ALDH1L2: variants seen among roughly 807,000 people sequenced by gnomAD.
The protein encoded by ALDH1L2 is mitochondrial 10-formyltetrahydrofolate dehydrogenase.
A neutral mutation model predicts 111.0 loss-of-function variants in ALDH1L2; 91 were observed. The observed-to-expected ratio is 0.82, with a 90% CI of 0.69 to 0.98. ALDH1L2 has a LOEUF of 0.98. Among genes scored for constraint, ALDH1L2 ranks in the 50% least tolerant of loss-of-function variants. The pLI is 0.00. For missense variants in ALDH1L2, 995 were observed against 1,126.8 expected (o/e 0.88, Z 1.67); for synonymous variants, 374 against 392.6 (o/e 0.95, Z 0.56).
chr12:105,058,605 A>G (rs1876783513), intron 9 of ALDH1L2, among the ~76,000 whole-genome samples: 1 of 152,254 alleles, frequency 6.6e-6, no homozygotes, highest in Non-Finnish European at 1.5e-5. Context: ...TGAATGTCAT[A>G]TTGTAGACTA....
intron 13 of ALDH1L2, 174 bp downstream of exon 13, chr12:105,049,734 T>G (rs1424175361): frequency 1.5e-6 from 1 of 676,068 alleles, no homozygotes; most frequent in East Asian, 3.3e-5. Flanking sequence ...TTTCTGTTCT[T>G]TATAAATTAC....
intron 15 of ALDH1L2, among the ~76,000 whole-genome samples, chr12:105,043,980 A>G (rs1350694909): frequency 2.6e-5 from 4 of 152,250 alleles, no homozygotes; most frequent in East Asian, 1.9e-4. Context: ...AGTCATCTCA[A>G]TTCAGTCCTC....
chr12:105,026,552 T>C lies in ALDH1L2; in HGVS notation c.2709A>G (p.Lys903=), dbSNP rs1474200821. 1.2e-6 allele frequency: 2 copies of C among 1,613,974 alleles called. No homozygotes were observed. Among genetic ancestry groups the C allele is most frequent in the Non-Finnish European group, 1.7e-6 (2 of 1,180,006 alleles). The change falls in exon 22 of 23, where the codon AAA becomes AAG. Residue 903 remains lysine (K), a synonymous_variant. Coordinates refer to ENST00000258494, the MANE Select transcript of ALDH1L2 (RefSeq NM_001034173.4). The part of the protein sequence containing the change: ...FGGVKQSGFG[K]DLGEEALNEY... ...AGAAAAGTAAAGCCATACCTAAGTC[T>C]TTTCCAAAGCCAGATTGTTTAACTC...
intron 20 of ALDH1L2, among the ~76,000 whole-genome samples, chr12:105,031,364 A>G (rs1874685807): frequency 6.6e-6 from 1 of 152,190 alleles, no homozygotes; most frequent in South Asian, 2.1e-4. Context: ...TTAAAGGTAT[A>G]ATTAGATTCA....
intron 16 of ALDH1L2, among the ~76,000 whole-genome samples, chr12:105,040,125 C>CAAAAA (rs11284250): frequency 1.4e-4 from 8 of 59,080 alleles, no homozygotes; most frequent in African/African-American, 3.4e-4. Flanking sequence ...GACTCCGTCT[C>CAAAAA]AAAAAAAAAA....
chr12:105,028,481 G>A (rs923958325), intron 21 of ALDH1L2, among the ~76,000 whole-genome samples: 11 of 152,166 alleles, frequency 7.2e-5, no homozygotes, highest in African/African-American at 1.7e-4. Flanking sequence ...GGAAAAATTC[G>A]AGTGCTGAAT....
chr12:105,024,997 A>G (rs1172966160), intron 22 of ALDH1L2, among the ~76,000 whole-genome samples: 1 of 152,260 alleles, frequency 6.6e-6, no homozygotes, highest in East Asian at 1.9e-4. Context: ...AAAGATAAGG[A>G]AAATTCAGTT....
chr12:105,055,224 G>GCA lies in ALDH1L2; in HGVS notation c.1288-2295_1288-2294dup, dbSNP rs770787723. Among the ~76,000 whole-genome samples, 8 of 152,274 alleles carry GCA rather than the reference G, an allele frequency of 5.3e-5. No homozygotes were observed. The South Asian group carries it at 1.7e-3, about 32-fold the overall frequency. On this transcript the variant is annotated intron_variant, in intron 10 of 22. Transcript: ENST00000258494. ...GCTGGAGCACTGAAGGTATATCCCA[G>GCA]CACACACACAGAGCCCCCTCACAAA...
chr12:105,072,213 A>G (rs1321090074), intron 2 of ALDH1L2: 1 of 147,650 alleles, frequency 6.8e-6, no homozygotes, highest in Non-Finnish European at 1.5e-5. Flanking sequence ...ATTTTATAAT[A>G]TATTATTATA....
Position 105,024,490 on chromosome 12 carries a change from G to A in ALDH1L2, c.2717-11C>T, listed in dbSNP as rs756500630. Reference sequence around the variant, plus strand: ...TTAGAGCTTCCTCACCTAGGGAAGAGAAAAGCAGTTGACAGACCACATTCA... The same window carrying A: ...TTAGAGCTTCCTCACCTAGGGAAGAAAAAAGCAGTTGACAGACCACATTCA... On this transcript the variant is annotated splice_polypyrimidine_tract_variant and intron_variant, in intron 22 of 22. Transcript: ENST00000258494. The A allele has an allele frequency of 7.4e-6, 12 of 1,613,686 alleles. No individual in the cohort carries two copies. The South Asian group carries it at 1.3e-4, about 18-fold the overall frequency.
At chr12:105,038,814 A>G (rs1042759378) in intron 17 of ALDH1L2, among the ~76,000 whole-genome samples, 2 of 152,234 alleles carry the variant, frequency 1.3e-5, no homozygotes, top group Non-Finnish European at 2.9e-5. Flanking sequence ...TCCATAATAA[A>G]AAAATTTCAA....
chr12:105,030,457 T>A, intron 20 of ALDH1L2, 28 bp from the exon 21 acceptor site: 1 of 1,582,016 alleles, frequency 6.3e-7, no homozygotes, highest in Non-Finnish European at 8.6e-7. Context: ...AGAAAAAATG[T>A]CAACTGTAGG....
At chr12:105,070,510 G>T in intron 3 of ALDH1L2, 60 bp downstream of exon 3, 2 of 1,378,568 alleles carry the variant, frequency 1.5e-6, no homozygotes, top group South Asian at 2.7e-5. Context: ...TTTGAACCCA[G>T]ACTGGGCAAC....
intron 1 of ALDH1L2, among the ~76,000 whole-genome samples, chr12:105,074,846 G>C (rs1592810087): frequency 6.6e-6 from 1 of 152,132 alleles, no homozygotes; most frequent in East Asian, 1.9e-4. Flanking sequence ...ATAAAACAAA[G>C]TTTTAACTAA....
chr12:105,073,609 A>G (rs1272154113), intron 2 of ALDH1L2, among the ~76,000 whole-genome samples: 1 of 152,174 alleles, frequency 6.6e-6, no homozygotes, highest in Non-Finnish European at 1.5e-5. Context: ...AATCAAATCT[A>G]TATTTCTCAG....
In ALDH1L2 at chr12:105,052,943, A is replaced by C; in HGVS notation, c.1288-12T>G. ...ACCTCCTTTGAAATCTGAGAGAAGT[A>C]TATTAATAGATTCAATGGATTTCCG... On this transcript the variant is annotated splice_polypyrimidine_tract_variant and intron_variant, in intron 10 of 22. Transcript: ENST00000258494. 1 of 1,611,938 alleles carries C rather than the reference A, an allele frequency of 6.2e-7. No individual in the cohort carries two copies. The highest frequency in any genetic ancestry group is 8.5e-7 in the Non-Finnish European group (1 of 1,178,422).
intron 20 of ALDH1L2, among the ~76,000 whole-genome samples, chr12:105,031,208 T>A (rs992533576): frequency 3.9e-5 from 6 of 152,220 alleles, no homozygotes; most frequent in Admixed American, 3.9e-4. Context: ...CTCAGTGTTA[T>A]GAGATTCATA....
chr12:105,025,243 C>T (rs919847961), intron 22 of ALDH1L2, among the ~76,000 whole-genome samples: 59 of 152,106 alleles, frequency 3.9e-4, no homozygotes, highest in African/African-American at 1.4e-3. Context: ...GACTCCTGAC[C>T]CCACATCACA....
intron 1 of ALDH1L2, among the ~76,000 whole-genome samples, chr12:105,082,058 G>A (rs970159515): frequency 1.3e-5 from 2 of 152,162 alleles, no homozygotes; most frequent in Admixed American, 1.3e-4. Flanking sequence ...GCTGGGCATG[G>A]TGGTGCATGT....
Sources: gnomAD v4.1 joint callset for allele counts (sites outside exome capture counted in the v4.1 genomes callset) on GRCh38, gnomAD v4.1.1 for gene constraint, MANE v1.5 for transcripts, NCBI Gene and HGNC (gene_info 2026-07-23, HGNC 2026-07-21) for gene names.